DGKB: variants seen among roughly 807,000 people sequenced by gnomAD.
DGKB encodes 90 kDa diacylglycerol kinase.
Under a neutral mutation model 114.3 loss-of-function variants are expected in DGKB, and 67 were observed. The ratio of observed to expected loss-of-function variants is 0.59; its 90% CI spans 0.48 to 0.72. The LOEUF is 0.72. DGKB is among the 30% of genes least tolerant of loss of function. The probability of loss-of-function intolerance (pLI) is 0.00; values close to 1 mark genes in which losing one functional copy is unlikely to be tolerated. For synonymous variants in DGKB, 398 were observed against 323.1 expected (o/e 1.23, Z -2.49); for missense variants, 907 against 975.2 (o/e 0.93, Z 0.93).
At chr7:14,351,613 CTA>C (rs1436467615) in intron 21 of DGKB, among the ~76,000 whole-genome samples, 1 of 152,002 alleles carries the variant, frequency 6.6e-6, no homozygotes, top group African/African-American at 2.4e-5. Context: ...TGATTGGCAA[CTA>C]TAAATTCACC....
intron 13 of DGKB, among the ~76,000 whole-genome samples, chr7:14,654,643 G>A (rs1378144506): frequency 1.3e-5 from 2 of 151,952 alleles, no homozygotes; most frequent in African/African-American, 4.8e-5. Context: ...CAAAGCAATA[G>A]TAACCAAAAC....
At position 14,284,560 on chromosome 7, in the gene DGKB, A is replaced by G. The variant is rs535708896; in HGVS notation, c.2122+53955T>C. 1.3e-4 allele frequency among the ~76,000 whole-genome samples: 19 copies of G among 141,848 alleles called. 1 individual carries two copies. The highest frequency in any genetic ancestry group is 5.3e-4 in the African/African-American group (18 of 33,658). The allele number at this position is 141,848 out of a possible 152,430, so 93.1% of individuals were successfully genotyped here. ...CATGCTGCTATAAAGACACATGCAC[A>G]CGTATGTTTATTGTGGCATTATTCA... On this transcript the variant is annotated intron_variant, in intron 23 of 25. Coordinates refer to ENST00000402815, the MANE Select transcript of DGKB (RefSeq NM_001350709.2).
intron 1 of DGKB, among the ~76,000 whole-genome samples, chr7:14,869,808 A>T (rs1245434100): frequency 1.3e-5 from 2 of 152,138 alleles, no homozygotes; most frequent in African/African-American, 4.8e-5. Context: ...ATATATTTAC[A>T]CATATCCAGT....
At chr7:14,189,441 T>C (rs1783986451) in intron 23 of DGKB, among the ~76,000 whole-genome samples, 1 of 151,856 alleles carries the variant, frequency 6.6e-6, no homozygotes, top group Non-Finnish European at 1.5e-5. Flanking sequence ...AAATAAAGCT[T>C]AGCACCACAG....
chr7:14,188,747 A>G (rs1192245838), intron 23 of DGKB, among the ~76,000 whole-genome samples: 2 of 152,028 alleles, frequency 1.3e-5, no homozygotes, highest in Non-Finnish European at 2.9e-5. Context: ...CAAACCGTCA[A>G]AAGTCAAAGA....
At chr7:14,633,013 A>G (rs1810042316) in intron 13 of DGKB, among the ~76,000 whole-genome samples, 1 of 151,826 alleles carries the variant, frequency 6.6e-6, no homozygotes, top group South Asian at 2.1e-4. Context: ...TAATCCTCCC[A>G]TTTGAAGTTA....
At chr7:14,894,117 G>A (rs979773263) in intron 1 of DGKB, among the ~76,000 whole-genome samples, 5 of 151,216 alleles carry the variant, frequency 3.3e-5, no homozygotes, top group Non-Finnish European at 7.4e-5. Context: ...GTTAAATAAG[G>A]CCAGGGAAGT....
intron 2 of DGKB, among the ~76,000 whole-genome samples, chr7:14,797,852 A>C (rs6461132): frequency 0.42 from 64,467 of 151,798 alleles, 16,068 homozygotes; most frequent in African/African-American, 0.7. Flanking sequence ...GGTTACAGCT[A>C]TTTTACTCCC....
At chr7:14,429,993 A>G (rs1828207627) in intron 21 of DGKB, among the ~76,000 whole-genome samples, 1 of 152,184 alleles carries the variant, frequency 6.6e-6, no homozygotes, top group African/African-American at 2.4e-5. Context: ...CTTAGCAAGT[A>G]TTGGTGTGGC....
intron 23 of DGKB, among the ~76,000 whole-genome samples, chr7:14,313,926 C>G (rs1431994110): frequency 6.6e-6 from 1 of 152,198 alleles, no homozygotes; most frequent in Non-Finnish European, 1.5e-5. Flanking sequence ...AGTGCGCAGC[C>G]AGAGATCTGA....
chr7:14,593,833 A>AC lies in DGKB; in HGVS notation c.1434-10697_1434-10696insG, dbSNP rs1160136091. Among the ~76,000 whole-genome samples the AC allele has an allele frequency of 5.9e-5, 9 of 151,644 alleles. No individual in the cohort carries two copies. The South Asian group carries it at 1.7e-3, about 28-fold the overall frequency. ...AAATGGTCCAGTTAAAAAAAGAAAA[A>AC]AACAACACAGGAGATTTGCAGCATC... On this transcript the variant is annotated intron_variant, in intron 17 of 25. Coordinates refer to ENST00000402815, the MANE Select transcript of DGKB (RefSeq NM_001350709.2).
intron 25 of DGKB, among the ~76,000 whole-genome samples, chr7:14,174,309 A>G: frequency 6.6e-6 from 1 of 152,154 alleles, no homozygotes; most frequent in East Asian, 1.9e-4. Context: ...TGTCTTCCTC[A>G]GTTATTTCCT....
intron 13 of DGKB, among the ~76,000 whole-genome samples, chr7:14,653,940 G>A (rs1012505541): frequency 6.6e-6 from 1 of 151,926 alleles, no homozygotes; most frequent in Non-Finnish European, 1.5e-5. Context: ...ACTGAACAGA[G>A]AAAAGCTTAA....
intron 19 of DGKB, 65 bp from the exon 20 acceptor site, chr7:14,574,437 G>C (rs1318373513): frequency 2.2e-6 from 3 of 1,381,634 alleles, no homozygotes; most frequent in Non-Finnish European, 3.0e-6. Context: ...GTATTTTTAT[G>C]TTTCAGTGTG....
At chr7:14,450,232 C>T (rs1831286755) in intron 21 of DGKB, among the ~76,000 whole-genome samples, 1 of 152,040 alleles carries the variant, frequency 6.6e-6, no homozygotes, top group Non-Finnish European at 1.5e-5. Flanking sequence ...AATCTCCTAC[C>T]AATTATGTCA....
In DGKB at chr7:14,154,177, C is replaced by CT. The variant is rs5882429; in HGVS notation, c.2305-4940dup. Among the ~76,000 whole-genome samples the CT allele has an allele frequency of 4.1e-3, 527 of 128,332 alleles. 2 individuals carry two copies. The highest frequency in any genetic ancestry group is 0.012 in the African/African-American group (406 of 35,282). The allele number at this position is 128,332 out of a possible 152,430, so 84.2% of individuals were successfully genotyped here. A position where few individuals can be genotyped will look rare whatever the true frequency, so the allele number is the denominator to read the frequency against. The stretch of plus-strand genomic sequence containing the variant: ...ATAAATTGATATGGTAGAGTTTTGT[C>CT]TTTTTTTTTTTTTTTTTTTTAAGAA... On this transcript the variant is annotated intron_variant, in intron 25 of 25. Coordinates refer to ENST00000402815, the MANE Select transcript of DGKB (RefSeq NM_001350709.2).
intron 2 of DGKB, among the ~76,000 whole-genome samples, chr7:14,834,819 A>AT (rs1301825645): frequency 6.6e-6 from 1 of 152,120 alleles, no homozygotes; most frequent in Non-Finnish European, 1.5e-5. Context: ...ACTCAAATGG[A>AT]TTTTTTGGGG....
chr7:14,491,822 A>G (rs1341154687), intron 20 of DGKB, among the ~76,000 whole-genome samples: 1 of 152,004 alleles, frequency 6.6e-6, no homozygotes, highest in East Asian at 1.9e-4. Context: ...CTTTATTGTA[A>G]TCATAGTAAT....
intron 20 of DGKB, among the ~76,000 whole-genome samples, chr7:14,542,466 A>T (rs953569694): frequency 6.6e-6 from 1 of 151,398 alleles, no homozygotes; most frequent in Non-Finnish European, 1.5e-5. Context: ...TGTCCAGAAA[A>T]CTCTCACACA....
Sources: gnomAD v4.1 joint callset for allele counts (sites outside exome capture counted in the v4.1 genomes callset) on GRCh38, gnomAD v4.1.1 for gene constraint, MANE v1.5 for transcripts, NCBI Gene and HGNC (gene_info 2026-07-23, HGNC 2026-07-21) for gene names.